SSBP2: variants seen among roughly 807,000 people sequenced by gnomAD.
SSBP2 encodes single stranded DNA binding protein 2, also known as single-stranded DNA-binding protein 2.
In SSBP2, 17 loss-of-function variants were observed where a neutral mutation model predicts 61.8. The ratio of observed to expected loss-of-function variants is 0.28; its 90% CI spans 0.19 to 0.41. The LOEUF (loss-of-function observed/expected upper bound fraction) is 0.41, where lower values mean the gene tolerates loss of function less well. Among genes scored for constraint, SSBP2 ranks in the 10% least tolerant of loss-of-function variants. The probability of loss-of-function intolerance (pLI) is 1.00; values close to 1 mark genes in which losing one functional copy is unlikely to be tolerated. For synonymous variants in SSBP2, 139 were observed against 141.3 expected (o/e 0.98, Z 0.12); for missense variants, 310 against 458.7 (o/e 0.68, Z 2.96).
chr5:81,476,674 A>G lies in SSBP2; in HGVS notation c.433-2112T>C, dbSNP rs1453182954. ...TCTGCAGGTTTCTACACAGTAATTG[A>G]TTACTTTTAGTATAAGAGCTATTCT... On this transcript the variant is annotated intron_variant, in intron 6 of 16. Transcript: ENST00000320672. Among the ~76,000 whole-genome samples the G allele has an allele frequency of 2.0e-5, 3 of 152,142 alleles. No individual in the cohort carries two copies. In the East Asian group the frequency reaches 5.8e-4, roughly 29 times the overall value.
At chr5:81,529,256 A>T (rs1484955894) in intron 4 of SSBP2, among the ~76,000 whole-genome samples, 3 of 152,160 alleles carry the variant, frequency 2.0e-5, no homozygotes, top group Non-Finnish European at 4.4e-5. Flanking sequence ...AAATTGCATT[A>T]AGTGGAAAGT....
chr5:81,500,617 T>C (rs747750002), intron 5 of SSBP2, among the ~76,000 whole-genome samples: 2 of 152,144 alleles, frequency 1.3e-5, no homozygotes, highest in African/African-American at 2.4e-5. Context: ...CGTGCCACCA[T>C]GCCCAGCTAA....
chr5:81,614,532 C>A (rs1321940719), intron 4 of SSBP2, among the ~76,000 whole-genome samples: 1 of 152,042 alleles, frequency 6.6e-6, no homozygotes, highest in African/African-American at 2.4e-5. Flanking sequence ...AGAACAAGGT[C>A]TTTTTTCCCT....
chr5:81,559,868 T>A (rs1476992468), intron 4 of SSBP2, among the ~76,000 whole-genome samples: 2 of 152,250 alleles, frequency 1.3e-5, no homozygotes, highest in East Asian at 3.9e-4. Flanking sequence ...GATAGAGTAT[T>A]ACATAAGGCA....
intron 2 of SSBP2, among the ~76,000 whole-genome samples, chr5:81,642,033 C>T (rs1748836827): frequency 6.6e-6 from 1 of 152,056 alleles, no homozygotes; most frequent in South Asian, 2.1e-4. Context: ...AAAAGGAGGA[C>T]TTTCATTTTA....
chr5:81,443,482 A>G lies in SSBP2; in HGVS notation c.779-759T>C, dbSNP rs185965507. On this transcript the variant is annotated intron_variant, in intron 12 of 16. Coordinates refer to ENST00000320672, the MANE Select transcript of SSBP2 (RefSeq NM_012446.5). ...GTGAAAGGCTAAATATTTTACATTG[A>G]GAAAATATAAATGATAAATTATGGT... 2.5e-4 allele frequency among the ~76,000 whole-genome samples: 38 copies of G among 152,334 alleles called. 1 individual carries two copies. Among genetic ancestry groups the G allele is most frequent in the Admixed American group, 2.4e-3 (36 of 15,300 alleles).
intron 9 of SSBP2, among the ~76,000 whole-genome samples, chr5:81,465,292 A>G (rs1003328399): frequency 2.6e-5 from 4 of 152,032 alleles, no homozygotes; most frequent in Admixed American, 2.6e-4. Context: ...TTAAACTTAA[A>G]TAAGACACCC....
chr5:81,536,106 T>C (rs911031507), intron 4 of SSBP2, among the ~76,000 whole-genome samples: 5 of 152,112 alleles, frequency 3.3e-5, no homozygotes, highest in Non-Finnish European at 7.4e-5. Flanking sequence ...AAAGGAGATA[T>C]ACAGATGGCA....
At chr5:81,734,719 G>C (rs1281951769) in intron 1 of SSBP2, among the ~76,000 whole-genome samples, 1 of 151,994 alleles carries the variant, frequency 6.6e-6, no homozygotes, top group South Asian at 2.1e-4. Context: ...CGCCTGTAAT[G>C]CCATCACTTT....
chr5:81,475,003 T>C (rs767265649), intron 6 of SSBP2, among the ~76,000 whole-genome samples: 1 of 152,216 alleles, frequency 6.6e-6, no homozygotes, highest in East Asian at 1.9e-4. Context: ...GAAAATTGTT[T>C]TGTAGTCACA....
At chr5:81,647,939 C>T (rs1370154211) in intron 2 of SSBP2, among the ~76,000 whole-genome samples, 2 of 152,158 alleles carry the variant, frequency 1.3e-5, no homozygotes, top group African/African-American at 4.8e-5. Flanking sequence ...AAGTTAGCAA[C>T]ATTTTTCTTT....
chr5:81,493,516 G>A (rs147130654), intron 5 of SSBP2, among the ~76,000 whole-genome samples: 11 of 152,230 alleles, frequency 7.2e-5, no homozygotes, highest in Non-Finnish European at 1.2e-4. Flanking sequence ...AACACTTTGG[G>A]AGGCCAAGGT....
chr5:81,555,885 G>T (rs1309636669), intron 4 of SSBP2, among the ~76,000 whole-genome samples: 2 of 151,716 alleles, frequency 1.3e-5, no homozygotes, highest in Admixed American at 1.3e-4. Flanking sequence ...AGTTTTTACT[G>T]CTTTATTATT....
intron 5 of SSBP2, among the ~76,000 whole-genome samples, chr5:81,490,834 T>C (rs930638878): frequency 2.6e-5 from 4 of 152,244 alleles, no homozygotes; most frequent in African/African-American, 7.2e-5. Context: ...CAGCAGTTCA[T>C]TTTATATGGA....
At chr5:81,454,574 G>A (rs1399196780) in intron 10 of SSBP2, among the ~76,000 whole-genome samples, 4 of 151,926 alleles carry the variant, frequency 2.6e-5, no homozygotes, top group African/African-American at 7.3e-5. Context: ...CTAGCTACTC[G>A]GGAGCCTGAG....
chr5:81,750,555 A>G (rs927434111), intron 1 of SSBP2: 4 of 87,678 alleles, frequency 4.6e-5, no homozygotes, highest in African/African-American at 1.3e-4. Context: ...CCGGCCCGCC[A>G]AACACCCACA....
intron 1 of SSBP2, among the ~76,000 whole-genome samples, chr5:81,717,196 G>T (rs1755219998): frequency 1.3e-5 from 2 of 152,154 alleles, no homozygotes; most frequent in African/African-American, 4.8e-5. Flanking sequence ...GGTTGTGTCT[G>T]CTATGAACTA....
intron 1 of SSBP2, among the ~76,000 whole-genome samples, chr5:81,652,025 G>C (rs2153714555): frequency 6.6e-6 from 1 of 152,060 alleles, no homozygotes. Context: ...CCTAAGCCTA[G>C]AGCCAAACCA....
At chr5:81,714,358 A>C (rs1164289585) in intron 1 of SSBP2, among the ~76,000 whole-genome samples, 1 of 152,200 alleles carries the variant, frequency 6.6e-6, no homozygotes, top group Non-Finnish European at 1.5e-5. Flanking sequence ...ATAGTGCTGC[A>C]ATAAACATAC....
Sources: allele counts gnomAD v4.1 joint callset (sites outside exome capture counted in the v4.1 genomes callset), GRCh38; gene constraint gnomAD v4.1.1; transcripts MANE v1.5; gene names NCBI Gene and HGNC (gene_info 2026-07-23, HGNC 2026-07-21).